F5: variants seen among roughly 807,000 people sequenced by gnomAD.
The protein encoded by F5 is coagulation factor V.
Under a neutral mutation model 216.4 loss-of-function variants are expected in F5, and 138 were observed. The ratio of observed to expected loss-of-function variants is 0.64; its 90% CI spans 0.56 to 0.73. F5 has a LOEUF of 0.73. Among genes scored for constraint, F5 ranks in the 30% least tolerant of loss-of-function variants. F5 has a pLI of 0.00. For synonymous variants in F5, 916 were observed against 930.7 expected (o/e 0.98, Z 0.29); for missense variants, 2,403 against 2,674.0 (o/e 0.90, Z 2.24).
chr1:169,545,437 A>C (rs1404989097), intron 11 of F5, among the ~76,000 whole-genome samples: 1 of 152,204 alleles, frequency 6.6e-6, no homozygotes, highest in African/African-American at 2.4e-5. Context: ...TGAAATGATA[A>C]TATTCAGGAT....
chr1:169,525,077 C>T (rs528328345), intron 18 of F5, among the ~76,000 whole-genome samples, 169 bp from the exon 19 acceptor site: 4 of 152,280 alleles, frequency 2.6e-5, no homozygotes, highest in Middle Eastern at 3.4e-3. Flanking sequence ...AATGCACTAA[C>T]AAGACTGGTG....
chr1:169,569,357 A>G, intron 3 of F5, among the ~76,000 whole-genome samples: 1 of 152,110 alleles, frequency 6.6e-6, no homozygotes, highest in East Asian at 1.9e-4. Flanking sequence ...ATATTATAGA[A>G]CTAATTTTGT....
In F5 at chr1:169,540,475, C is replaced by T. The variant is rs748991996; in HGVS notation, c.4615G>A (p.Ala1539Thr). 6.2e-7 allele frequency: 1 copy of T among 1,613,998 alleles called. No homozygotes were observed. Among genetic ancestry groups the T allele is most frequent in the Non-Finnish European group, 8.5e-7 (1 of 1,179,966 alleles). The change falls in exon 13 of 25, where the codon GCT (alanine) becomes ACT (threonine). Residue 1539 changes from alanine (A) to threonine (T), a missense_variant. Ala to Thr is a moderately conservative substitution (Grantham distance 58). This residue lies in a region of F5 where 293 missense variants were observed against 270.8 expected (regional missense o/e 1.08). Coordinates refer to ENST00000367797, the MANE Select transcript of F5 (RefSeq NM_000130.5). ...TCATAGGGCACATAATCAATTTCAG[C>T]ATAGTCATCTTCACTGCTCTGGACC... Reference protein sequence around the residue: ...EEVQSSEDDYAEIDYVPYDDP... With the variant: ...EEVQSSEDDYTEIDYVPYDDP...
At chr1:169,574,593 A>T (rs1401566190) in intron 2 of F5, among the ~76,000 whole-genome samples, 1 of 152,190 alleles carries the variant, frequency 6.6e-6, no homozygotes, top group South Asian at 2.1e-4. Flanking sequence ...TAATCATAAT[A>T]AGGCTTTCCT....
Position 169,521,615 on chromosome 1 carries a change from A to ATTTTTTTT in F5, c.6049-959_6049-952dup, listed in dbSNP as rs35651599. Among the ~76,000 whole-genome samples, 13 of 106,268 alleles carry ATTTTTTTT rather than the reference A, an allele frequency of 1.2e-4. 1 individual carries two copies. Among genetic ancestry groups the ATTTTTTTT allele is most frequent in the South Asian group, 3.7e-4 (1 of 2,726 alleles). 69.7% of individuals were successfully genotyped at this position (106,268 alleles called of 152,430 possible). A position where few individuals can be genotyped will look rare whatever the true frequency, so the allele number is the denominator to read the frequency against. Reference sequence around the variant, plus strand: ...AAAACAAGGCTGGTTCTGTGAAAAGATTTTTTTTTTTTTTTTTTTTTTTTG... The same window carrying ATTTTTTTT: ...AAAACAAGGCTGGTTCTGTGAAAAGATTTTTTTTTTTTTTTTTTTTTTTTTTTTTTTTG... On this transcript the variant is annotated intron_variant, in intron 21 of 24. Transcript: ENST00000367797.
intron 18 of F5, among the ~76,000 whole-genome samples, chr1:169,525,616 C>T (rs1442784945): frequency 6.6e-6 from 1 of 152,184 alleles, no homozygotes; most frequent in Non-Finnish European, 1.5e-5. Context: ...CCCTCCTCAA[C>T]TCTTGGAAGC....
At chr1:169,577,178 C>T (rs1296205296) in intron 2 of F5, among the ~76,000 whole-genome samples, 1 of 151,956 alleles carries the variant, frequency 6.6e-6, no homozygotes, top group African/African-American at 2.4e-5. Context: ...ACAGCATGTA[C>T]CCAATTTAGT....
intron 20 of F5, among the ~76,000 whole-genome samples, 187 bp from the exon 21 acceptor site, chr1:169,523,539 A>G (rs562757751): frequency 3.9e-5 from 6 of 152,286 alleles, no homozygotes; most frequent in East Asian, 3.9e-4. Flanking sequence ...TCCCAACTCA[A>G]TGACTAATTA....
intron 24 of F5, 79 bp from the exon 25 acceptor site, chr1:169,514,538 G>A: frequency 1.6e-6 from 2 of 1,284,162 alleles, no homozygotes; most frequent in Admixed American, 1.9e-5. Context: ...TTTTAGACAG[G>A]GTCTTATTCT....
intron 3 of F5, among the ~76,000 whole-genome samples, chr1:169,569,328 C>T (rs1044940551): frequency 1.3e-5 from 2 of 152,096 alleles, no homozygotes; most frequent in Non-Finnish European, 2.9e-5. Context: ...GGAGAGCTGG[C>T]TTACCAGCAG....
At chr1:169,583,614 A>T (rs1428221840) in intron 1 of F5, among the ~76,000 whole-genome samples, 2 of 152,242 alleles carry the variant, frequency 1.3e-5, no homozygotes, top group African/African-American at 4.8e-5. Context: ...GATATGTGCA[A>T]AAGGCATAGA....
intron 7 of F5, among the ~76,000 whole-genome samples, chr1:169,553,578 T>C (rs1292218690): frequency 2.0e-5 from 3 of 152,120 alleles, no homozygotes; most frequent in Non-Finnish European, 2.9e-5. Context: ...TTGTATTTTG[T>C]ATTTGTGTTG....
intron 6 of F5, 113 bp from the exon 7 acceptor site, chr1:169,555,460 G>T: frequency 8.6e-7 from 1 of 1,158,924 alleles, no homozygotes. Context: ...TAATAAGAGT[G>T]AAAGTAATGC....
At chr1:169,564,497 G>T (rs1226780607) in intron 3 of F5, among the ~76,000 whole-genome samples, 1 of 151,928 alleles carries the variant, frequency 6.6e-6, no homozygotes. Context: ...GGCACATCTG[G>T]TTTGTTACTC....
At chr1:169,546,139 ACT>A (rs1659995878) in intron 11 of F5, among the ~76,000 whole-genome samples, 1 of 150,810 alleles carries the variant, frequency 6.6e-6, no homozygotes, top group Non-Finnish European at 1.5e-5. Flanking sequence ...CATTAGTCCT[ACT>A]CTCTCACCCT....
intron 13 of F5, among the ~76,000 whole-genome samples, chr1:169,538,430 A>G (rs1659756394): frequency 6.6e-6 from 1 of 152,120 alleles, no homozygotes; most frequent in Non-Finnish European, 1.5e-5. Context: ...AGTTAATAAC[A>G]ACACACTGAA....
At chr1:169,576,001 A>G (rs1660838271) in intron 2 of F5, among the ~76,000 whole-genome samples, 1 of 152,090 alleles carries the variant, frequency 6.6e-6, no homozygotes, top group African/African-American at 2.4e-5. Flanking sequence ...AGAGCTTGGA[A>G]GATGCTACTC....
chr1:169,575,650 A>T (rs1660827637), intron 2 of F5, among the ~76,000 whole-genome samples: 1 of 152,070 alleles, frequency 6.6e-6, no homozygotes, highest in Non-Finnish European at 1.5e-5. Context: ...GAACTTGAAG[A>T]TGGATTGGAT....
At chr1:169,568,691 A>G (rs1327712838) in intron 3 of F5, among the ~76,000 whole-genome samples, 3 of 152,068 alleles carry the variant, frequency 2.0e-5, no homozygotes, top group Admixed American at 1.3e-4. Context: ...AGTTCTGTTC[A>G]TTTCCTGCTC....
Sources: allele counts gnomAD v4.1 joint callset (sites outside exome capture counted in the v4.1 genomes callset), GRCh38; gene constraint gnomAD v4.1.1; regional missense constraint gnomAD v4.1.1; transcripts MANE v1.5; gene names NCBI Gene and HGNC (gene_info 2026-07-23, HGNC 2026-07-21).